The following ZNF503 variants were observed in gnomAD, a reference collection of about 807,000 sequenced individuals.
The protein encoded by ZNF503 is zinc finger protein 503.
In ZNF503, 15 loss-of-function variants were observed where a neutral mutation model predicts 34.4. That is an observed-to-expected ratio of 0.44 (90% confidence interval 0.29 to 0.67). The LOEUF is 0.67. Among genes scored for constraint, ZNF503 ranks in the 30% least tolerant of loss-of-function variants. The probability of loss-of-function intolerance (pLI) is 0.13; values close to 1 mark genes in which losing one functional copy is unlikely to be tolerated. For synonymous variants in ZNF503, 580 were observed against 456.8 expected (o/e 1.27, Z -3.44); for missense variants, 1,007 against 926.8 (o/e 1.09, Z -1.12).
chr10:75,325,427 A>G, the ZNF503 span, among the ~76,000 whole-genome samples: 1 of 152,060 alleles, frequency 6.6e-6, no homozygotes, highest in Admixed American at 6.5e-5. Context: ...TCTCAAGCTC[A>G]AGTGATCCTC....
chr10:75,348,659 C>T, the ZNF503 span, among the ~76,000 whole-genome samples: 3,240 of 151,508 alleles, frequency 0.021, 79 homozygotes, highest in African/African-American at 0.059. Flanking sequence ...CTACAGGTGC[C>T]TGCCACCACG....
chr10:75,321,283 T>C, the ZNF503 span, among the ~76,000 whole-genome samples: 2 of 152,192 alleles, frequency 1.3e-5, no homozygotes, highest in Non-Finnish European at 2.9e-5. Context: ...CAGTTAAACC[T>C]TTTCTTCATA....
the ZNF503 span, among the ~76,000 whole-genome samples, chr10:75,378,072 A>C: frequency 6.6e-6 from 1 of 151,972 alleles, no homozygotes; most frequent in African/African-American, 2.4e-5. Flanking sequence ...CACTATCTCG[A>C]GGACAGCACC....
downstream of ZNF503, among the ~76,000 whole-genome samples, chr10:75,393,531 A>C (rs1843665485): frequency 6.6e-6 from 1 of 152,300 alleles, no homozygotes; most frequent in South Asian, 2.1e-4. Flanking sequence ...GGTTCATTAC[A>C]CTATTCATTC....
chr10:75,382,419 G>A, the ZNF503 span: 170 of 419,182 alleles, frequency 4.1e-4, no homozygotes, highest in Non-Finnish European at 3.2e-4. Flanking sequence ...TCCTCATGTC[G>A]GAGACTATCT....
the ZNF503 span, among the ~76,000 whole-genome samples, chr10:75,386,741 T>C: frequency 2.0e-4 from 30 of 152,326 alleles, no homozygotes; most frequent in African/African-American, 7.0e-4. Context: ...CCTGCTTCCA[T>C]CCCTTTGATC....
At chr10:75,354,743 A>C in the ZNF503 span, among the ~76,000 whole-genome samples, 4 of 152,094 alleles carry the variant, frequency 2.6e-5, no homozygotes, top group East Asian at 1.9e-4. Context: ...ACAAAAAAAA[A>C]CTTGAATCTT....
chr10:75,368,041 G>A, the ZNF503 span, among the ~76,000 whole-genome samples: 1 of 152,156 alleles, frequency 6.6e-6, no homozygotes, highest in Admixed American at 6.5e-5. Flanking sequence ...ACCTCGATAA[G>A]CATCTGGAAT....
At chr10:75,339,564 G>C in the ZNF503 span, among the ~76,000 whole-genome samples, 21,167 of 152,152 alleles carry the variant, frequency 0.14, 1,618 homozygotes, top group Middle Eastern at 0.2. Flanking sequence ...ACACGCTGGT[G>C]GGGGAGATAT....
chr10:75,320,310 C>T, the ZNF503 span, among the ~76,000 whole-genome samples: 5 of 151,508 alleles, frequency 3.3e-5, no homozygotes, highest in African/African-American at 4.9e-5. Context: ...GGTGAAACCC[C>T]GTCTCTACTA....
chr10:75,337,561 T>C, the ZNF503 span, among the ~76,000 whole-genome samples: 1 of 151,198 alleles, frequency 6.6e-6, no homozygotes, highest in Non-Finnish European at 1.5e-5. Context: ...GAGGTTGCAG[T>C]GAGCCAAGAT....
chr10:75,302,955 T>C, the ZNF503 span, among the ~76,000 whole-genome samples: 2 of 152,216 alleles, frequency 1.3e-5, no homozygotes, highest in Middle Eastern at 3.2e-3. Context: ...AGTTTTTGTA[T>C]CCCTTTGGTA....
chr10:75,357,693 A>C, the ZNF503 span, among the ~76,000 whole-genome samples: 1 of 152,198 alleles, frequency 6.6e-6, no homozygotes, highest in Admixed American at 6.5e-5. Context: ...ATGTTAAGTA[A>C]TTTGCCCAAG....
At chr10:75,350,649 G>T in the ZNF503 span, among the ~76,000 whole-genome samples, 1 of 152,146 alleles carries the variant, frequency 6.6e-6, no homozygotes, top group Admixed American at 6.6e-5. Context: ...CTGGGCTCAA[G>T]CAATCCTCCT....
At chr10:75,309,739 A>G in the ZNF503 span, among the ~76,000 whole-genome samples, 26 of 152,304 alleles carry the variant, frequency 1.7e-4, 1 homozygote. Flanking sequence ...CTGAACTCGC[A>G]TTATCTCTGA....
the ZNF503 span, among the ~76,000 whole-genome samples, chr10:75,342,739 T>C: frequency 6.6e-6 from 1 of 152,098 alleles, no homozygotes; most frequent in South Asian, 2.1e-4. Context: ...TGTCCCAATG[T>C]TCTGCTGGCA....
the ZNF503 span, among the ~76,000 whole-genome samples, chr10:75,286,811 C>T: frequency 1.1e-4 from 17 of 152,332 alleles, no homozygotes; most frequent in Non-Finnish European, 2.1e-4. Flanking sequence ...GACAGAGGGG[C>T]TGCGTCGCCT....
chr10:75,346,225 T>G, the ZNF503 span, among the ~76,000 whole-genome samples: 1 of 152,156 alleles, frequency 6.6e-6, no homozygotes, highest in Admixed American at 6.5e-5. Context: ...CTCTGCTACT[T>G]ACTGGTTTAC....
At chr10:75,367,987 T>C in the ZNF503 span, among the ~76,000 whole-genome samples, 3 of 152,216 alleles carry the variant, frequency 2.0e-5, no homozygotes, top group Admixed American at 6.5e-5. Flanking sequence ...GAGCCACTTA[T>C]TGGGCTTGGG....
Sources: gnomAD v4.1 joint callset for allele counts (sites outside exome capture counted in the v4.1 genomes callset) on GRCh38, gnomAD v4.1.1 for gene constraint, MANE v1.5 for transcripts, NCBI Gene and HGNC (gene_info 2026-07-23, HGNC 2026-07-21) for gene names.